Variants in C10orf90 observed in about 807,000 individuals in gnomAD.
C10orf90 encodes (E2-independent) E3 ubiquitin-conjugating enzyme FATS.
C10orf90 carries 56 observed loss-of-function variants against 62.5 expected under a neutral mutation model. The observed-to-expected ratio is 0.90, with a 90% CI of 0.72 to 1.12. The LOEUF is 1.12. C10orf90 is among the 50% of genes most tolerant of loss of function. C10orf90 has a pLI of 0.00. For missense variants in C10orf90, 970 were observed against 880.4 expected (o/e 1.10, Z -1.29); for synonymous variants, 386 against 340.4 (o/e 1.13, Z -1.47).
At chr10:126,440,378 G>A (rs185365562) in intron 7 of C10orf90, among the ~76,000 whole-genome samples, 24 of 152,176 alleles carry the variant, frequency 1.6e-4, no homozygotes, top group South Asian at 8.3e-4. Flanking sequence ...CACAGCAGCC[G>A]CAGCAAGACC....
chr10:126,652,598 T>C (rs1846312944), intron 1 of C10orf90, among the ~76,000 whole-genome samples: 1 of 152,206 alleles, frequency 6.6e-6, no homozygotes, highest in Non-Finnish European at 1.5e-5. Context: ...CGTTCACTCT[T>C]CATTTTCCCA....
chr10:126,470,661 G>A (rs1302619224), intron 4 of C10orf90, among the ~76,000 whole-genome samples: 2 of 151,644 alleles, frequency 1.3e-5, no homozygotes, highest in Non-Finnish European at 2.9e-5. Context: ...GAGATGGGAG[G>A]ATCACTTGAG....
chr10:126,558,960 G>C (rs1864840154), intron 2 of C10orf90, among the ~76,000 whole-genome samples: 1 of 152,232 alleles, frequency 6.6e-6, no homozygotes, highest in African/African-American at 2.4e-5. Flanking sequence ...AGGGCAATAT[G>C]ATCTCATTAC....
intron 2 of C10orf90, among the ~76,000 whole-genome samples, chr10:126,630,209 CT>C (rs1241421016): frequency 6.6e-6 from 1 of 152,176 alleles, no homozygotes; most frequent in East Asian, 1.9e-4. Flanking sequence ...CCCTGATGCC[CT>C]CGTACTTCAC....
chr10:126,441,306 C>T (rs1858309928), intron 7 of C10orf90, among the ~76,000 whole-genome samples: 1 of 151,990 alleles, frequency 6.6e-6, no homozygotes, highest in Admixed American at 6.6e-5. Context: ...AAAGACAAGG[C>T]ATTGAATTAA....
intron 2 of C10orf90, among the ~76,000 whole-genome samples, chr10:126,526,558 A>G (rs1048888343): frequency 2.6e-5 from 4 of 152,102 alleles, no homozygotes; most frequent in African/African-American, 9.7e-5. Context: ...AATTTTTTTA[A>G]TAACAGCTTT....
At chr10:126,656,967 C>T (rs146216608) in intron 1 of C10orf90, among the ~76,000 whole-genome samples, 1 of 152,316 alleles carries the variant, frequency 6.6e-6, no homozygotes, top group African/African-American at 2.4e-5. Flanking sequence ...CCTCAGGGAT[C>T]TCACTGTCCA....
At chr10:126,572,844 T>C (rs1254435763) in intron 2 of C10orf90, among the ~76,000 whole-genome samples, 1 of 151,982 alleles carries the variant, frequency 6.6e-6, no homozygotes, top group Non-Finnish European at 1.5e-5. Context: ...AGCTTACAAA[T>C]GCAACGGCAA....
chr10:126,434,634 A>G (rs1484509899), intron 7 of C10orf90, among the ~76,000 whole-genome samples: 1 of 152,208 alleles, frequency 6.6e-6, no homozygotes. Flanking sequence ...ATAGACGTCA[A>G]GTCTCTACCT....
At chr10:126,550,312 T>C (rs1015113565) in intron 2 of C10orf90, among the ~76,000 whole-genome samples, 2 of 152,036 alleles carry the variant, frequency 1.3e-5, no homozygotes, top group African/African-American at 4.8e-5. Flanking sequence ...GAAAAGTGGT[T>C]GCCAGAGGTT....
At chr10:126,440,054 G>A (rs1056880829) in intron 7 of C10orf90, among the ~76,000 whole-genome samples, 1 of 152,190 alleles carries the variant, frequency 6.6e-6, no homozygotes, top group Non-Finnish European at 1.5e-5. Flanking sequence ...GAAGCCTCCT[G>A]GCAGGAATTC....
At chr10:126,541,344 AC>A (rs947363152) in intron 2 of C10orf90, among the ~76,000 whole-genome samples, 11 of 152,082 alleles carry the variant, frequency 7.2e-5, no homozygotes, top group East Asian at 1.9e-4. Context: ...ATTTTAAAAA[AC>A]ATTTAAAGAA....
rs1419073377 is a variant in C10orf90 at position 126,442,631 on chromosome 10, GTGTATATATATATATATATATA to G, written c.2189-12803_2189-12782del. 4.9e-3 allele frequency among the ~76,000 whole-genome samples: 447 copies of G among 91,868 alleles called. 9 individuals are homozygous for G. The highest frequency in any genetic ancestry group is 0.02 in the African/African-American group (426 of 21,182). The allele number at this position is 91,868 out of a possible 152,430, so 60.3% of individuals were successfully genotyped here. A position where few individuals can be genotyped will look rare whatever the true frequency, so the allele number is the denominator to read the frequency against. Reference sequence around the variant, plus strand: ...GAAGTTCCCTACTATTATTGTGTGTGTGTATATATATATATATATATATATATATATATATATATATATATAG... The same window carrying G: ...GAAGTTCCCTACTATTATTGTGTGTGTATATATATATATATATATATATAG... On this transcript the variant is annotated intron_variant, in intron 7 of 9. Transcript: ENST00000488181.
At chr10:126,517,783 A>G (rs1863520144) in intron 2 of C10orf90, among the ~76,000 whole-genome samples, 1 of 151,934 alleles carries the variant, frequency 6.6e-6, no homozygotes. Flanking sequence ...GATGGTGTGC[A>G]TCTGTATTCC....
chr10:126,559,519 G>A, intron 2 of C10orf90, among the ~76,000 whole-genome samples: 1 of 152,186 alleles, frequency 6.6e-6, no homozygotes, highest in Non-Finnish European at 1.5e-5. Flanking sequence ...ACTGAAGGCA[G>A]CCAGGAAAAG....
intron 2 of C10orf90, among the ~76,000 whole-genome samples, chr10:126,541,994 G>T (rs1311524500): frequency 3.9e-5 from 6 of 152,152 alleles, no homozygotes; most frequent in African/African-American, 7.2e-5. Flanking sequence ...CAACAAAAAG[G>T]AATGAAGCCG....
chr10:126,498,083 A>G (rs1379173478), intron 4 of C10orf90, among the ~76,000 whole-genome samples: 2 of 152,234 alleles, frequency 1.3e-5, no homozygotes, highest in East Asian at 3.9e-4. Context: ...CCATGCACCC[A>G]ATTCATTAGG....
rs1859781870 is a variant in C10orf90, at chr10:126,459,158, C to A, written c.2070G>T (p.Lys690Asn). The part of the protein sequence containing the change: ...FISRSQERLK[K>N]LEHMVQQRKA... ...TCCTCTGCTGGACCATGTGTTCAAGCTTCTTCAGCCGTTCTTGTGAGCGAG... is the reference window on the plus strand; with the variant it reads ...TCCTCTGCTGGACCATGTGTTCAAGATTCTTCAGCCGTTCTTGTGAGCGAG... Residue 690 changes from lysine to asparagine, a missense_variant, in exon 7 of 10, where the codon AAG becomes AAT. Coordinates refer to ENST00000488181, the MANE Select transcript of C10orf90 (RefSeq NM_001350921.2). 6.2e-7 allele frequency: 1 copy of A among 1,614,100 alleles called. No individual in the cohort carries two copies. The highest frequency in any genetic ancestry group is 8.5e-7 in the Non-Finnish European group (1 of 1,180,056).
At chr10:126,430,158 T>C (rs751624810) in intron 7 of C10orf90, among the ~76,000 whole-genome samples, 2 of 152,160 alleles carry the variant, frequency 1.3e-5, no homozygotes, top group South Asian at 4.1e-4. Flanking sequence ...CTGAGAAAAG[T>C]GCCAGAGTGC....
Sources: allele counts gnomAD v4.1 joint callset (sites outside exome capture counted in the v4.1 genomes callset), GRCh38; gene constraint gnomAD v4.1.1; transcripts MANE v1.5; gene names NCBI Gene and HGNC (gene_info 2026-07-23, HGNC 2026-07-21).